Variants in ERC2 observed in about 807,000 individuals in gnomAD.
ERC2 encodes the protein ERC protein 2.
A neutral mutation model predicts 114.8 loss-of-function variants in ERC2; 42 were observed. The observed-to-expected ratio is 0.37, with a 90% CI of 0.29 to 0.47. The LOEUF (loss-of-function observed/expected upper bound fraction) is 0.47. Among genes scored for constraint, ERC2 ranks in the 20% least tolerant of loss-of-function variants. ERC2 has a pLI of 0.99. For synonymous variants in ERC2, 454 were observed against 425.5 expected (o/e 1.07, Z -0.82); for missense variants, 939 against 1,150.7 (o/e 0.82, Z 2.66).
In ERC2 at chr3:55,834,067, A is replaced by G. The variant is rs569609599; in HGVS notation, c.2564+54322T>C. On this transcript the variant is annotated intron_variant, in intron 14 of 17. Transcript: ENST00000288221. ...TTCAACAAGAAGAGCTAACTATCCT[A>G]AATATATATGCACCCAATACAGGAG... Among the ~76,000 whole-genome samples the G allele has an allele frequency of 1.1e-3, 167 of 152,026 alleles. 1 individual carries two copies. Among genetic ancestry groups the G allele is most frequent in the African/African-American group, 3.7e-3 (152 of 41,472 alleles).
At chr3:55,635,573 T>C (rs1352855887) in intron 17 of ERC2, among the ~76,000 whole-genome samples, 1 of 151,976 alleles carries the variant, frequency 6.6e-6, no homozygotes, top group Non-Finnish European at 1.5e-5. Flanking sequence ...GCATTTGTAA[T>C]AGAGACGGGG....
intron 2 of ERC2, among the ~76,000 whole-genome samples, chr3:56,353,792 C>A (rs2058641539): frequency 8.5e-6 from 1 of 117,704 alleles, no homozygotes; most frequent in East Asian, 2.4e-4. Context: ...TACCCTAGAA[C>A]TTAACGTATA....
intron 3 of ERC2, among the ~76,000 whole-genome samples, chr3:56,210,603 G>A (rs1287250517): frequency 6.6e-6 from 1 of 152,158 alleles, no homozygotes; most frequent in Non-Finnish European, 1.5e-5. Context: ...TAAGTAAACT[G>A]TCAAAGCCAA....
chr3:56,047,842 G>A (rs1223431692), intron 7 of ERC2, among the ~76,000 whole-genome samples: 1 of 152,120 alleles, frequency 6.6e-6, no homozygotes. Flanking sequence ...AAAATAAGGG[G>A]CAAGTGGCTA....
intron 6 of ERC2, among the ~76,000 whole-genome samples, chr3:56,133,672 C>T (rs1228948533): frequency 6.6e-6 from 1 of 152,160 alleles, no homozygotes; most frequent in East Asian, 1.9e-4. Context: ...ATACCAACTT[C>T]ACAAGTGGTG....
At chr3:55,969,389 A>G (rs1012689414) in intron 12 of ERC2, among the ~76,000 whole-genome samples, 1 of 85,022 alleles carries the variant, frequency 1.2e-5, no homozygotes, top group African/African-American at 3.5e-5. Flanking sequence ...AATTTTATAC[A>G]CATACACACA....
chr3:55,815,856 T>C (rs984229832), intron 14 of ERC2, among the ~76,000 whole-genome samples: 5 of 152,154 alleles, frequency 3.3e-5, no homozygotes, highest in African/African-American at 1.2e-4. Flanking sequence ...AGGAAGCCAA[T>C]GCAAAATGCC....
At chr3:55,835,621 C>T (rs1454087785) in intron 14 of ERC2, among the ~76,000 whole-genome samples, 1 of 152,118 alleles carries the variant, frequency 6.6e-6, no homozygotes, top group East Asian at 1.9e-4. Flanking sequence ...TAAGAGCTAT[C>T]TATGAAAAAC....
chr3:56,108,072 A>G (rs1222930893), intron 6 of ERC2, among the ~76,000 whole-genome samples: 4 of 152,202 alleles, frequency 2.6e-5, no homozygotes, highest in Non-Finnish European at 5.9e-5. Flanking sequence ...AAAGGCTTTC[A>G]CCTAGGGTCC....
At chr3:56,107,815 C>G (rs7647972) in intron 6 of ERC2, among the ~76,000 whole-genome samples, 35,160 of 152,074 alleles carry the variant, frequency 0.23, 4,702 homozygotes, top group Admixed American at 0.31. Flanking sequence ...TAACTGATTC[C>G]TACTGTAATA....
In ERC2 at chr3:56,334,176, TTGGA is replaced by T. The variant is rs1293935847; in HGVS notation, c.658-37745_658-37742del. Among the ~76,000 whole-genome samples the T allele has an allele frequency of 2.6e-5, 4 of 152,310 alleles. No homozygotes were observed. In the East Asian group the frequency reaches 5.8e-4, roughly 22 times the overall value. On this transcript the variant is annotated intron_variant, in intron 2 of 17. Transcript: ENST00000288221. ...CAGAGAAACTCTTCCCCCAAATCCC[TTGGA>T]TGCCAAGGTACAAGAAGGTGCCTGG...
At chr3:56,128,496 C>T (rs1032931555) in intron 6 of ERC2, among the ~76,000 whole-genome samples, 3 of 152,218 alleles carry the variant, frequency 2.0e-5, no homozygotes, top group Non-Finnish European at 4.4e-5. Context: ...TTCTCACACA[C>T]ACACATACAT....
At chr3:56,032,805 C>T (rs1038170819) in intron 7 of ERC2, among the ~76,000 whole-genome samples, 37 of 147,736 alleles carry the variant, frequency 2.5e-4, no homozygotes, top group Middle Eastern at 3.5e-3. Context: ...AATTCAACTC[C>T]AACCTGAGAA....
intron 3 of ERC2, among the ~76,000 whole-genome samples, chr3:56,230,096 C>A (rs943860134): frequency 7.2e-5 from 11 of 151,904 alleles, no homozygotes; most frequent in Non-Finnish European, 1.5e-4. Flanking sequence ...GAACTCCTGA[C>A]CTCAGATAAT....
intron 17 of ERC2, among the ~76,000 whole-genome samples, chr3:55,522,861 T>C (rs188769912): frequency 2.0e-5 from 3 of 152,344 alleles, no homozygotes; most frequent in East Asian, 1.9e-4. Context: ...CCAGCTATCA[T>C]ACATGTTTCC....
intron 2 of ERC2, chr3:56,434,100 T>G (rs2061912805): frequency 2.0e-6 from 1 of 495,936 alleles, no homozygotes; most frequent in African/African-American, 1.9e-5. Flanking sequence ...CAATGACAAG[T>G]GATCCTCCCC....
intron 17 of ERC2, among the ~76,000 whole-genome samples, chr3:55,581,400 G>C (rs2057254766): frequency 6.6e-6 from 1 of 152,146 alleles, no homozygotes; most frequent in Non-Finnish European, 1.5e-5. Context: ...GATTTTTTAA[G>C]AGTATGGTAC....
chr3:55,655,640 A>G (rs955100543), intron 17 of ERC2, among the ~76,000 whole-genome samples: 1 of 152,038 alleles, frequency 6.6e-6, no homozygotes, highest in Non-Finnish European at 1.5e-5. Flanking sequence ...ACTGGACCCT[A>G]TGGATAGTTG....
intron 2 of ERC2, among the ~76,000 whole-genome samples, chr3:56,310,586 A>G (rs1467432934): frequency 6.6e-6 from 1 of 151,360 alleles, no homozygotes; most frequent in Non-Finnish European, 1.5e-5. Flanking sequence ...GCCTGGGTTC[A>G]TCAGCCAAAC....
Sources: gnomAD v4.1 joint callset for allele counts (sites outside exome capture counted in the v4.1 genomes callset) on GRCh38, gnomAD v4.1.1 for gene constraint, MANE v1.5 for transcripts, NCBI Gene and HGNC (gene_info 2026-07-23, HGNC 2026-07-21) for gene names.